LRRC49: variants seen among roughly 807,000 people sequenced by gnomAD.
LRRC49 encodes leucine-rich repeat-containing protein 49.
Under a neutral mutation model 83.3 loss-of-function variants are expected in LRRC49, and 50 were observed. The ratio of observed to expected loss-of-function variants is 0.60; its 90% confidence interval spans 0.48 to 0.76. The LOEUF (loss-of-function observed/expected upper bound fraction) is 0.76. Among genes scored for constraint, LRRC49 ranks in the 30% least tolerant of loss-of-function variants. The pLI, the probability that LRRC49 is intolerant of heterozygous loss-of-function variation, is 0.00. For missense variants in LRRC49, 704 were observed against 809.1 expected, an observed-to-expected ratio of 0.87 and a Z score of 1.58; for synonymous variants, 286 against 283.3, an observed-to-expected ratio of 1.01 and a Z score of -0.10.
rs866862199 is a variant in LRRC49, at chr15:70,873,904, C to T, written c.18+681C>T. ...GTGGAAGAATTTTTGGCTATTTTTA[C>T]AATCTACTGCAACTAGGTGGTAGGC... is the stretch of plus-strand genomic sequence containing the variant. On this transcript the variant is annotated intron_variant, in intron 2 of 16. Transcript: ENST00000544974. 2.0e-5 allele frequency among the ~76,000 whole-genome samples: 3 copies of T among 152,164 alleles called. No homozygotes were observed. The South Asian group carries it at 6.2e-4, about 32-fold the overall frequency.
chr15:70,976,738 A>G (rs561545961), intron 9 of LRRC49, among the ~76,000 whole-genome samples: 2 of 152,190 alleles, frequency 1.3e-5, no homozygotes, highest in African/African-American at 4.8e-5. Flanking sequence ...TGCTATGTAA[A>G]GGATATGGCT....
At chr15:70,898,831 A>T (rs1409104846) in intron 3 of LRRC49, among the ~76,000 whole-genome samples, 1 of 152,104 alleles carries the variant, frequency 6.6e-6, no homozygotes, top group Admixed American at 6.5e-5. Context: ...AACTGTTATG[A>T]TGAAAATTTT....
intron 9 of LRRC49, among the ~76,000 whole-genome samples, chr15:70,967,448 G>A (rs2036832700): frequency 6.6e-6 from 1 of 152,014 alleles, no homozygotes; most frequent in Admixed American, 6.6e-5. Context: ...TAAGAGTCTG[G>A]GAATCTGATC....
chr15:70,946,981 T>C (rs564009203), intron 8 of LRRC49, among the ~76,000 whole-genome samples: 9 of 152,090 alleles, frequency 5.9e-5, no homozygotes, highest in Non-Finnish European at 1.0e-4. Context: ...TTAGAGACCA[T>C]AGTTTTTAGT....
intron 7 of LRRC49, among the ~76,000 whole-genome samples, chr15:70,927,944 C>G (rs2035269136): frequency 6.6e-6 from 1 of 152,138 alleles, no homozygotes; most frequent in Non-Finnish European, 1.5e-5. Context: ...CCACCATGCC[C>G]AGCCAGTCAT....
intron 2 of LRRC49, among the ~76,000 whole-genome samples, chr15:70,879,245 C>G (rs548839509): frequency 6.6e-6 from 1 of 152,132 alleles, no homozygotes; most frequent in Non-Finnish European, 1.5e-5. Flanking sequence ...TTCCTCATGT[C>G]TCTTCATTAT....
chr15:71,016,589 C>T (rs1463876204), intron 14 of LRRC49, among the ~76,000 whole-genome samples: 1 of 151,708 alleles, frequency 6.6e-6, no homozygotes, highest in African/African-American at 2.4e-5. Flanking sequence ...CACTGACGCT[C>T]CAGAAAATCC....
chr15:71,016,844 G>A (rs575478246), intron 14 of LRRC49, among the ~76,000 whole-genome samples: 1 of 152,206 alleles, frequency 6.6e-6, no homozygotes, highest in South Asian at 2.1e-4. Context: ...GGTGGCTCAC[G>A]CCTGTAGTCC....
chr15:70,884,363 C>T (rs915239211), intron 2 of LRRC49, among the ~76,000 whole-genome samples: 2 of 151,892 alleles, frequency 1.3e-5, no homozygotes, highest in Admixed American at 6.6e-5. Context: ...TGAAACCCCA[C>T]CTCTACTAAA....
At chr15:70,900,749 A>C (rs2034037849) in intron 3 of LRRC49, among the ~76,000 whole-genome samples, 173 bp from the exon 4 acceptor site, 1 of 152,198 alleles carries the variant, frequency 6.6e-6, no homozygotes, top group African/African-American at 2.4e-5. Flanking sequence ...TAGGTTTAAG[A>C]AGGAAAGAAA....
chr15:70,904,081 A>G (rs1403295773), intron 4 of LRRC49, among the ~76,000 whole-genome samples: 1 of 151,972 alleles, frequency 6.6e-6, no homozygotes, highest in Non-Finnish European at 1.5e-5. Context: ...TCTTTTGAAG[A>G]TGTCATCTGG....
intron 8 of LRRC49, among the ~76,000 whole-genome samples, chr15:70,950,121 T>C (rs1398522109): frequency 6.6e-6 from 1 of 152,164 alleles, no homozygotes; most frequent in Non-Finnish European, 1.5e-5. Context: ...TCTGTATCCA[T>C]GTTGCTGCAA....
chr15:70,989,489 C>T (rs2037774405), intron 11 of LRRC49, among the ~76,000 whole-genome samples: 1 of 152,194 alleles, frequency 6.6e-6, no homozygotes, highest in Non-Finnish European at 1.5e-5. Flanking sequence ...TCCATCAGCT[C>T]CTTTCAGCAC....
chr15:71,036,308 C>T (rs1028048565), intron 14 of LRRC49, among the ~76,000 whole-genome samples: 1 of 151,836 alleles, frequency 6.6e-6, no homozygotes, highest in Non-Finnish European at 1.5e-5. Flanking sequence ...CAAATATGAA[C>T]ATTATTAATT....
At chr15:70,952,123 C>T (rs529483695) in intron 8 of LRRC49, among the ~76,000 whole-genome samples, 4 of 152,006 alleles carry the variant, frequency 2.6e-5, no homozygotes, top group Admixed American at 2.6e-4. Context: ...TCTACTTGAT[C>T]ATGATGAATG....
chr15:71,008,221 C>G (rs1046635410), intron 11 of LRRC49, among the ~76,000 whole-genome samples, 158 bp from the exon 12 acceptor site: 1 of 151,792 alleles, frequency 6.6e-6, no homozygotes, highest in Non-Finnish European at 1.5e-5. Flanking sequence ...TACAAAACTG[C>G]TAGATAGTCT....
intron 13 of LRRC49, among the ~76,000 whole-genome samples, chr15:71,011,036 C>T (rs1244337081): frequency 6.6e-6 from 1 of 152,076 alleles, no homozygotes; most frequent in Non-Finnish European, 1.5e-5. Flanking sequence ...AAATTTGCAT[C>T]AACCATGGTA....
chr15:70,899,532 C>G (rs2033980658), intron 3 of LRRC49, among the ~76,000 whole-genome samples: 1 of 152,004 alleles, frequency 6.6e-6, no homozygotes, highest in Non-Finnish European at 1.5e-5. Flanking sequence ...TGCTTATACT[C>G]TAGAACATCA....
chr15:70,881,786 G>A (rs2033270060), intron 2 of LRRC49: 1 of 152,168 alleles, frequency 6.6e-6, no homozygotes, highest in African/African-American at 2.4e-5. Context: ...TAATTAATGT[G>A]TCGCAGTAAG....
Sources: gnomAD v4.1 joint callset for allele counts (sites outside exome capture counted in the v4.1 genomes callset) on GRCh38, gnomAD v4.1.1 for gene constraint, MANE v1.5 for transcripts, NCBI Gene and HGNC (gene_info 2026-07-23, HGNC 2026-07-21) for gene names.